UNC5D: variants seen among roughly 807,000 people sequenced by gnomAD.
The protein encoded by UNC5D is netrin receptor UNC5D.
UNC5D carries 39 observed loss-of-function variants against 105.4 expected under a neutral mutation model. That is an observed-to-expected ratio of 0.37 (90% confidence interval 0.29 to 0.48). UNC5D has a LOEUF of 0.48. Ranked by LOEUF, UNC5D falls within the 20% of genes least tolerant of loss-of-function variation. The probability of loss-of-function intolerance (pLI) is 0.98; values close to 1 mark genes in which losing one functional copy is unlikely to be tolerated. For missense variants in UNC5D, 991 were observed against 1,202.4 expected (o/e 0.82, Z 2.60); for synonymous variants, 452 against 450.4 (o/e 1.00, Z -0.04).
intron 16 of UNC5D, among the ~76,000 whole-genome samples, chr8:35,779,073 A>G (rs973053548): frequency 2.6e-5 from 4 of 152,208 alleles, no homozygotes; most frequent in African/African-American, 4.8e-5. Context: ...AACTTTGACT[A>G]TTACTCAGAG....
At chr8:35,273,033 G>C (rs1436328561) in intron 1 of UNC5D, among the ~76,000 whole-genome samples, 1 of 152,162 alleles carries the variant, frequency 6.6e-6, no homozygotes, top group African/African-American at 2.4e-5. Flanking sequence ...AGCAAATTGT[G>C]GGTGAGGAGG....
At chr8:35,311,895 A>G (rs1031984041) in intron 1 of UNC5D, among the ~76,000 whole-genome samples, 1 of 152,176 alleles carries the variant, frequency 6.6e-6, no homozygotes, top group Non-Finnish European at 1.5e-5. Flanking sequence ...CAATCCTTGT[A>G]TCAACGTTCC....
At chr8:35,645,473 TAAG>T (rs1238155697) in intron 4 of UNC5D, among the ~76,000 whole-genome samples, 1 of 152,016 alleles carries the variant, frequency 6.6e-6, no homozygotes, top group Non-Finnish European at 1.5e-5. Context: ...ATACAAATAA[TAAG>T]ATTACTTGAA....
chr8:35,694,796 G>T (rs1826643020), intron 7 of UNC5D, among the ~76,000 whole-genome samples: 1 of 151,992 alleles, frequency 6.6e-6, no homozygotes, highest in Non-Finnish European at 1.5e-5. Context: ...GCTTACTGCA[G>T]CCTCAAACTC....
intron 4 of UNC5D, among the ~76,000 whole-genome samples, chr8:35,653,060 G>A (rs1823527310): frequency 6.6e-6 from 1 of 151,178 alleles, no homozygotes; most frequent in Admixed American, 6.6e-5. Context: ...CTCCTGCGTA[G>A]CTGGGAATAC....
intron 2 of UNC5D, among the ~76,000 whole-genome samples, chr8:35,558,821 A>G (rs1816730669): frequency 6.6e-6 from 1 of 152,114 alleles, no homozygotes; most frequent in Non-Finnish European, 1.5e-5. Context: ...CATCTCTACT[A>G]AAAACACAAA....
intron 1 of UNC5D, among the ~76,000 whole-genome samples, chr8:35,441,582 A>G (rs1190472032): frequency 6.6e-6 from 1 of 151,818 alleles, no homozygotes; most frequent in Non-Finnish European, 1.5e-5. Flanking sequence ...CCTAGAACAG[A>G]AGTAGGTCAA....
intron 16 of UNC5D, among the ~76,000 whole-genome samples, chr8:35,785,987 G>A (rs536561057): frequency 3.9e-5 from 6 of 151,968 alleles, no homozygotes; most frequent in South Asian, 2.1e-4. Flanking sequence ...TTTTGATTTC[G>A]CAATAATGAA....
intron 1 of UNC5D, among the ~76,000 whole-genome samples, chr8:35,536,284 C>G (rs1199671474): frequency 6.6e-6 from 1 of 152,172 alleles, no homozygotes; most frequent in Non-Finnish European, 1.5e-5. Flanking sequence ...TATTGTCAAT[C>G]TTGACTAAAT....
intron 1 of UNC5D, among the ~76,000 whole-genome samples, chr8:35,413,704 C>G (rs947400654): frequency 6.6e-6 from 1 of 152,036 alleles, no homozygotes; most frequent in Non-Finnish European, 1.5e-5. Flanking sequence ...TCCTTGTGAT[C>G]CATTTAACTT....
At chr8:35,777,219 G>A (rs112444132) in intron 16 of UNC5D, among the ~76,000 whole-genome samples, 26 of 152,108 alleles carry the variant, frequency 1.7e-4, no homozygotes, top group African/African-American at 4.6e-4. Context: ...GCATCACTGC[G>A]CTCCAGCCTG....
intron 8 of UNC5D, among the ~76,000 whole-genome samples, chr8:35,713,964 C>T (rs1391012732): frequency 6.6e-6 from 1 of 152,180 alleles, no homozygotes; most frequent in Admixed American, 6.5e-5. Context: ...TGGATCCAGT[C>T]CATCCTGCAG....
intron 1 of UNC5D, among the ~76,000 whole-genome samples, chr8:35,516,984 T>C (rs1813139687): frequency 6.6e-6 from 1 of 152,224 alleles, no homozygotes; most frequent in South Asian, 2.1e-4. Flanking sequence ...GGTCATGCTG[T>C]TCTCTTCATT....
At chr8:35,540,370 G>T (rs907751527) in intron 1 of UNC5D, among the ~76,000 whole-genome samples, 1 of 151,544 alleles carries the variant, frequency 6.6e-6, no homozygotes, top group Non-Finnish European at 1.5e-5. Context: ...ATACAATAAA[G>T]TTAGAGACCA....
intron 1 of UNC5D, among the ~76,000 whole-genome samples, chr8:35,283,209 T>C (rs1367789899): frequency 1.3e-5 from 2 of 152,070 alleles, no homozygotes; most frequent in African/African-American, 4.8e-5. Context: ...TCATGTAATC[T>C]TTTTTTTAAT....
chr8:35,771,733 T>C (rs1356802067), intron 15 of UNC5D, among the ~76,000 whole-genome samples: 1 of 152,234 alleles, frequency 6.6e-6, no homozygotes, highest in Non-Finnish European at 1.5e-5. Flanking sequence ...TTTCCTACTG[T>C]ACTCAGAGAA....
chr8:35,433,114 T>C (rs756966834), intron 1 of UNC5D, among the ~76,000 whole-genome samples: 6 of 152,204 alleles, frequency 3.9e-5, no homozygotes, highest in Non-Finnish European at 5.9e-5. Context: ...AACACATTTA[T>C]TTTCATTGAC....
chr8:35,460,921 G>A (rs563328489), intron 1 of UNC5D, among the ~76,000 whole-genome samples: 1 of 152,260 alleles, frequency 6.6e-6, no homozygotes, highest in East Asian at 1.9e-4. Flanking sequence ...CCATCCAGTG[G>A]TCTATTTGGA....
At chr8:35,682,824 C>T (rs545194659) in intron 4 of UNC5D, among the ~76,000 whole-genome samples, 2 of 152,284 alleles carry the variant, frequency 1.3e-5, no homozygotes, top group South Asian at 4.2e-4. Context: ...GGAGAAAACA[C>T]ATCCGAAATG....
Sources: allele counts gnomAD v4.1 joint callset (sites outside exome capture counted in the v4.1 genomes callset), GRCh38; gene constraint gnomAD v4.1.1; transcripts MANE v1.5; gene names NCBI Gene and HGNC (gene_info 2026-07-23, HGNC 2026-07-21).